CEP162: variants seen among roughly 807,000 people sequenced by gnomAD.
The protein encoded by CEP162 is centrosomal protein of 162 kDa.
Under a neutral mutation model 169.2 loss-of-function variants are expected in CEP162, and 141 were observed. That is an observed-to-expected ratio of 0.83 (90% CI 0.73 to 0.96). CEP162 has a LOEUF of 0.96. CEP162 is among the 40% of genes least tolerant of loss of function. The pLI is 0.00. For missense variants in CEP162, 1,600 were observed against 1,587.2 expected, an observed-to-expected ratio of 1.01 and a Z score of -0.14; for synonymous variants, 540 against 526.4, an observed-to-expected ratio of 1.03 and a Z score of -0.35.
At position 84,125,187 on chromosome 6, in the gene CEP162, C is replaced by T. The variant is rs2099508416; in HGVS notation, c.4095G>A (p.Glu1365=). ...WKRLAQLKNR[E]LEKFRTELDS... ...CTAGTTCTGTGCGGAACTTCTCCAG[C>T]TCACGATTCTTTAACTGTGCCAGTC... is the stretch of plus-strand genomic sequence containing the variant. The change falls in exon 27 of 27, where the codon GAG becomes GAA. Residue 1365 remains glutamate (E), a synonymous_variant. Coordinates refer to ENST00000403245, the MANE Select transcript of CEP162 (RefSeq NM_014895.4). 6.2e-7 allele frequency: 1 copy of T among 1,613,546 alleles called. No homozygotes were observed. The highest frequency in any genetic ancestry group is 8.5e-7 in the Non-Finnish European group (1 of 1,179,704).
At chr6:84,196,186 T>C (rs2127726759) in intron 9 of CEP162, among the ~76,000 whole-genome samples, 1 of 152,272 alleles carries the variant, frequency 6.6e-6, no homozygotes, top group Middle Eastern at 3.4e-3. Flanking sequence ...GATAGAATTA[T>C]GGGGGTGGGT....
At chr6:84,138,591 C>T (rs1317828991) in intron 25 of CEP162, among the ~76,000 whole-genome samples, 2 of 152,170 alleles carry the variant, frequency 1.3e-5, no homozygotes, top group Non-Finnish European at 2.9e-5. Context: ...ATTACCTTTA[C>T]TCAGGACACT....
rs2099508158 is a variant in CEP162, at chr6:84,124,534, A to G, written c.*536T>C. On this transcript the variant is annotated 3_prime_UTR_variant, in exon 27 of 27. Transcript: ENST00000403245. The stretch of plus-strand genomic sequence containing the variant: ...AGTAGGAGCTAAACAATGGGTACAC[A>G]GAGACATAAAGATGGAGATAACAGA... The G allele has an allele frequency of 6.2e-6, 1 of 160,402 alleles. No homozygotes were observed. 9.9% of individuals were successfully genotyped at this position (160,402 alleles called of 1,614,324 possible).
chr6:84,157,348 T>C (rs2099523621), intron 21 of CEP162, among the ~76,000 whole-genome samples: 1 of 152,176 alleles, frequency 6.6e-6, no homozygotes, highest in Non-Finnish European at 1.5e-5. Context: ...TATGGGTTTA[T>C]TTACAGAAAT....
chr6:84,154,705 G>A lies in CEP162; in HGVS notation c.2994+593C>T, dbSNP rs116388683. On this transcript the variant is annotated intron_variant, in intron 22 of 26. Transcript: ENST00000403245. ...TCTAGCATGAATTCCTGACAGACAC[G>A]TGCTCAACAAATTTTTAAAAATAAT... Among the ~76,000 whole-genome samples the A allele has an allele frequency of 7.5e-3, 1,137 of 152,192 alleles. 15 individuals are homozygous for A. Among genetic ancestry groups the A allele is most frequent in the African/African-American group, 0.025 (1,044 of 41,534 alleles).
intron 13 of CEP162, among the ~76,000 whole-genome samples, chr6:84,182,782 G>C (rs941992745): frequency 6.6e-6 from 1 of 152,162 alleles, no homozygotes; most frequent in Non-Finnish European, 1.5e-5. Context: ...TTCCAGCCAT[G>C]AACTGCCTAT....
Position 84,204,009 on chromosome 6 carries a change from T to C in CEP162, c.659A>G (p.Lys220Arg), listed in dbSNP as rs1339909249. Residue 220 changes from lysine (K) to arginine (R), a missense_variant, in exon 7 of 27, where the codon AAA (lysine) becomes AGA (arginine). Lys to Arg is a conservative substitution (Grantham distance 26). Transcript: ENST00000403245. Reference sequence around the variant, plus strand: ...TTTGGGCACACTTATTTTTTCTGATTTGGAATTCTCTTTGGAAGGCATCTC... The same window carrying C: ...TTTGGGCACACTTATTTTTTCTGATCTGGAATTCTCTTTGGAAGGCATCTC... ...DEEMPSKENS[K>R]SEKISVPKQE... The C allele has an allele frequency of 2.5e-6, 4 of 1,609,212 alleles. No homozygotes were observed. Among genetic ancestry groups the C allele is most frequent in the Non-Finnish European group, 3.4e-6 (4 of 1,177,866 alleles).
At chr6:84,167,626 G>A (rs2099528327) in intron 18 of CEP162, among the ~76,000 whole-genome samples, 2 of 152,192 alleles carry the variant, frequency 1.3e-5, no homozygotes, top group Admixed American at 1.3e-4. Context: ...TTTTGCATTT[G>A]TTTCTTCTAA....
chr6:84,215,821 T>C lies in CEP162; in HGVS notation c.274A>G (p.Ser92Gly), dbSNP rs1180989582. 6.3e-7 allele frequency: 1 copy of C among 1,590,314 alleles called. No individual in the cohort carries two copies. The highest frequency in any genetic ancestry group is 2.3e-5 in the East Asian group (1 of 44,378). The change falls in exon 4 of 27, where the codon AGC (serine) becomes GGC (glycine). Residue 92 changes from serine to glycine, a missense_variant. By Grantham distance (56) the Ser-to-Gly change is moderately conservative. Transcript: ENST00000403245. The part of the protein sequence containing the change: ...ESAEKIQFLK[S>G]SGTSLLSTDS... The stretch of plus-strand genomic sequence containing the variant: ...GTACTTAAGAGAGAGGTTCCACTGC[T>C]CTTAAGAAATTGAATCTTTTCAGCA...
At chr6:84,200,753 T>A (rs2099544119) in intron 9 of CEP162, 36 bp downstream of exon 9, 1 of 1,012,548 alleles carries the variant, frequency 9.9e-7, no homozygotes, top group Admixed American at 1.7e-5. Flanking sequence ...AAGCATTCCA[T>A]ATTTAGAGAA....
rs566131385 is a variant in CEP162 at position 84,200,168 on chromosome 6, T to C, written c.835+621A>G. On this transcript the variant is annotated intron_variant, in intron 9 of 26. Transcript: ENST00000403245. Reference sequence around the variant, plus strand: ...CTTGGGAGGCTGAGACAGAATTGCATGAACCTGGGAGATGGAGCTGGCAGT... The same window carrying C: ...CTTGGGAGGCTGAGACAGAATTGCACGAACCTGGGAGATGGAGCTGGCAGT... Among the ~76,000 whole-genome samples, 33 of 152,280 alleles carry C rather than the reference T, an allele frequency of 2.2e-4. No homozygotes were observed. The East Asian group carries it at 5.0e-3, about 23-fold the overall frequency.
intron 25 of CEP162, among the ~76,000 whole-genome samples, chr6:84,142,720 T>C (rs2099517176): frequency 6.6e-6 from 1 of 152,150 alleles, no homozygotes; most frequent in Non-Finnish European, 1.5e-5. Context: ...ATCAAATAAG[T>C]ATCTCTGCTA....
At chr6:84,146,047 A>C (rs975944841) in intron 25 of CEP162, among the ~76,000 whole-genome samples, 2 of 152,108 alleles carry the variant, frequency 1.3e-5, no homozygotes, top group Admixed American at 6.6e-5. Flanking sequence ...ACCTATTCTC[A>C]GCACTAAGAC....
At chr6:84,128,479 G>A (rs1228781210) in intron 25 of CEP162, among the ~76,000 whole-genome samples, 1 of 152,006 alleles carries the variant, frequency 6.6e-6, no homozygotes, top group Non-Finnish European at 1.5e-5. Flanking sequence ...TGATTAATAA[G>A]AGCCTGAGAC....
At chr6:84,192,705 A>G (rs2127722416) in intron 11 of CEP162, among the ~76,000 whole-genome samples, 1 of 152,358 alleles carries the variant, frequency 6.6e-6, no homozygotes, top group South Asian at 2.1e-4. Flanking sequence ...TATTTCACAG[A>G]AGTATTTTAT....
chr6:84,176,641 G>A (rs1474241247), intron 13 of CEP162, among the ~76,000 whole-genome samples: 1 of 152,166 alleles, frequency 6.6e-6, no homozygotes, highest in East Asian at 1.9e-4. Context: ...TTACAGGAAC[G>A]TTTAGGATTT....
At chr6:84,170,076 A>G (rs901369613) in intron 17 of CEP162, among the ~76,000 whole-genome samples, 6 of 152,060 alleles carry the variant, frequency 3.9e-5, no homozygotes, top group East Asian at 1.9e-4. Flanking sequence ...AACATCTGGG[A>G]AAAAAAGCAT....
At chr6:84,190,087 G>A (rs962518984) in intron 11 of CEP162, among the ~76,000 whole-genome samples, 3 of 150,788 alleles carry the variant, frequency 2.0e-5, no homozygotes, top group Admixed American at 1.3e-4. Flanking sequence ...TGGTGAGGAC[G>A]TGGAGAGTCT....
chr6:84,152,762 CT>C lies in CEP162; in HGVS notation c.3411del (p.Asp1138MetfsTer42). On this transcript the variant is annotated frameshift_variant, in exon 23 of 27. Coordinates refer to ENST00000403245, the MANE Select transcript of CEP162 (RefSeq NM_014895.4). LOFTEE classifies it high-confidence loss of function. ...REEMSAKRAKKDVLHSSKGNA... is the reference protein window; with the variant it reads ...REEMSAKRAKXDVLHSSKGNA... The stretch of plus-strand genomic sequence containing the variant: ...TTTCCTTTACTTGAGTGCAAAACAT[CT>C]TTCTTTGCCCTTTTGGCAGACATTT... The C allele has an allele frequency of 6.2e-7, 1 of 1,613,390 alleles. No homozygotes were observed. Among genetic ancestry groups the C allele is most frequent in the Non-Finnish European group, 8.5e-7 (1 of 1,179,640 alleles).
Sources: gnomAD v4.1 joint callset for allele counts (sites outside exome capture counted in the v4.1 genomes callset) on GRCh38, gnomAD v4.1.1 for gene constraint, MANE v1.5 for transcripts, NCBI Gene and HGNC (gene_info 2026-07-23, HGNC 2026-07-21) for gene names.